Variants in CLASP1 observed in about 807,000 individuals in gnomAD.
CLASP1 encodes the protein CLIP-associating protein 1.
CLASP1 carries 38 observed loss-of-function variants against 192.3 expected under a neutral mutation model. The ratio of observed to expected loss-of-function variants is 0.20; its 90% CI spans 0.15 to 0.26. The LOEUF is 0.26. Among genes scored for constraint, CLASP1 ranks in the 10% least tolerant of loss-of-function variants. The pLI, the probability that CLASP1 is intolerant of heterozygous loss-of-function variation, is 1.00. For missense variants in CLASP1, 1,433 were observed against 1,932.5 expected (o/e 0.74, Z 4.85); for synonymous variants, 691 against 712.8 (o/e 0.97, Z 0.49).
At chr2:121,401,463 C>A (rs1298055611) in intron 28 of CLASP1, 46 bp downstream of exon 29, 1 of 1,509,282 alleles carries the variant, frequency 6.6e-7, no homozygotes, top group African/African-American at 1.4e-5. Context: ...AAGTCACTTA[C>A]AAGTATCCTG....
chr2:121,639,375 C>A (rs1403438240), intron 1 of CLASP1, among the ~76,000 whole-genome samples: 2 of 152,038 alleles, frequency 1.3e-5, no homozygotes, highest in South Asian at 2.1e-4. Context: ...TATGAAATAT[C>A]CAGAATAGGC....
exon 2 of CLASP1, chr2:121,605,942 A>G (rs766668943): frequency 1.3e-6 from 2 of 1,555,730 alleles, no homozygotes; most frequent in Non-Finnish European, 8.8e-7. Flanking sequence ...GGCAGTCACG[A>G]TGACTCCCTC....
At chr2:121,357,417 C>G (rs901805867) in intron 37 of CLASP1, among the ~76,000 whole-genome samples, 1 of 152,112 alleles carries the variant, frequency 6.6e-6, no homozygotes, top group African/African-American at 2.4e-5. Flanking sequence ...ACACCTGCCC[C>G]CCACCTCCCA....
At chr2:121,376,472 T>C (rs749856024) in intron 34 of CLASP1, among the ~76,000 whole-genome samples, 2 of 139,514 alleles carry the variant, frequency 1.4e-5, no homozygotes, top group African/African-American at 2.8e-5. Flanking sequence ...CTAGTAAGAG[T>C]TGAGCTCATA....
At chr2:121,383,722 G>A (rs771560900) in intron 32 of CLASP1, among the ~76,000 whole-genome samples, 1 of 151,556 alleles carries the variant, frequency 6.6e-6, no homozygotes, top group Non-Finnish European at 1.5e-5. Context: ...ATGGACTTCA[G>A]ATGACTTCTG....
intron 28 of CLASP1, among the ~76,000 whole-genome samples, chr2:121,398,859 T>C (rs2075717853): frequency 6.6e-6 from 1 of 152,226 alleles, no homozygotes; most frequent in Admixed American, 6.5e-5. Context: ...TTAGGGTCCC[T>C]GCACACCACA....
At chr2:121,609,749 T>A (rs2064955852) in intron 1 of CLASP1, among the ~76,000 whole-genome samples, 1 of 152,092 alleles carries the variant, frequency 6.6e-6, no homozygotes, top group African/African-American at 2.4e-5. Flanking sequence ...GAGACCAGCC[T>A]GGCCAACATG....
chr2:121,344,860 C>T (rs1330306877), intron 39 of CLASP1, among the ~76,000 whole-genome samples: 3 of 151,978 alleles, frequency 2.0e-5, no homozygotes, highest in African/African-American at 4.8e-5. Flanking sequence ...AGAGCTATTA[C>T]ATGAAAAAAA....
chr2:121,590,458 T>C (rs772828270), intron 2 of CLASP1, among the ~76,000 whole-genome samples: 2 of 152,236 alleles, frequency 1.3e-5, no homozygotes, highest in African/African-American at 2.4e-5. Flanking sequence ...ATAAGTGATA[T>C]AACTTACTCA....
chr2:121,629,808 C>T (rs371418202), intron 1 of CLASP1, among the ~76,000 whole-genome samples: 6 of 151,798 alleles, frequency 4.0e-5, no homozygotes, highest in African/African-American at 1.2e-4. Context: ...AATAAAAAAG[C>T]AAACTAGAAA....
intron 2 of CLASP1, among the ~76,000 whole-genome samples, chr2:121,565,856 C>T (rs2059451646): frequency 6.6e-6 from 1 of 152,200 alleles, no homozygotes; most frequent in Admixed American, 6.5e-5. Flanking sequence ...AAGTCCTTTC[C>T]CTGTTTGCAT....
chr2:121,367,759 T>C, exon 35 of CLASP1: 1 of 1,613,942 alleles, frequency 6.2e-7, no homozygotes, highest in East Asian at 2.2e-5. Flanking sequence ...TCCAGAGCTG[T>C]CCGGCCTCCT....
chr2:121,412,026 G>A (rs1278969103), intron 23 of CLASP1, among the ~76,000 whole-genome samples: 2 of 152,014 alleles, frequency 1.3e-5, no homozygotes, highest in Non-Finnish European at 2.9e-5. Context: ...AGAATAAAAG[G>A]GAAGCTAATA....
chr2:121,472,905 A>G (rs2091004519), intron 8 of CLASP1, among the ~76,000 whole-genome samples: 1 of 152,256 alleles, frequency 6.6e-6, no homozygotes, highest in Middle Eastern at 3.2e-3. Flanking sequence ...CTGCCCTATC[A>G]GAGCTTAAAA....
At chr2:121,393,914 G>T (rs1226644981) in intron 30 of CLASP1, among the ~76,000 whole-genome samples, 2 of 150,814 alleles carry the variant, frequency 1.3e-5, no homozygotes, top group African/African-American at 4.9e-5. Context: ...ATACAGACAT[G>T]CATCTGCTAA....
intron 8 of CLASP1, among the ~76,000 whole-genome samples, chr2:121,481,591 AATCCTCC>A: frequency 6.6e-6 from 1 of 152,318 alleles, no homozygotes; most frequent in South Asian, 2.1e-4. Context: ...ACTCTCTCCA[AATCCTCC>A]ATGCCCTGTA....
intron 2 of CLASP1, among the ~76,000 whole-genome samples, chr2:121,594,101 C>A (rs984016949): frequency 3.3e-5 from 5 of 151,754 alleles, no homozygotes; most frequent in African/African-American, 4.8e-5. Context: ...GAGATCGAGA[C>A]CATTCTGGCT....
intron 1 of CLASP1, among the ~76,000 whole-genome samples, chr2:121,640,368 A>C (rs2071820895): frequency 6.6e-6 from 1 of 152,246 alleles, no homozygotes. Context: ...TTAAAGTATA[A>C]TACAAAAAAA....
At chr2:121,630,848 G>A (rs1190983692) in intron 1 of CLASP1, among the ~76,000 whole-genome samples, 5 of 97,944 alleles carry the variant, frequency 5.1e-5, no homozygotes, top group South Asian at 3.5e-4. Flanking sequence ...CAACAAGAGC[G>A]AAACTACGTC....
Sources: gnomAD v4.1 joint callset for allele counts (sites outside exome capture counted in the v4.1 genomes callset) on GRCh38, gnomAD v4.1.1 for gene constraint, MANE v1.5 for transcripts, NCBI Gene and HGNC (gene_info 2026-07-23, HGNC 2026-07-21) for gene names.